RNGTT: variants seen among roughly 807,000 people sequenced by gnomAD.
RNGTT encodes mRNA-capping enzyme.
RNGTT carries 33 observed loss-of-function variants against 79.3 expected under a neutral mutation model. The ratio of observed to expected loss-of-function variants is 0.42; its 90% CI spans 0.32 to 0.56. The LOEUF is 0.56. Ranked by LOEUF, RNGTT falls within the 20% of genes least tolerant of loss-of-function variation. The pLI, the probability that RNGTT is intolerant of heterozygous loss-of-function variation, is 0.17. For missense variants in RNGTT, 497 were observed against 739.1 expected (o/e 0.67, Z 3.80); for synonymous variants, 222 against 235.9 (o/e 0.94, Z 0.54).
chr6:88,908,297 A>C (rs1372878846), intron 4 of RNGTT, among the ~76,000 whole-genome samples: 1 of 152,178 alleles, frequency 6.6e-6, no homozygotes, highest in Non-Finnish European at 1.5e-5. Context: ...GACATCATTA[A>C]GAATATAAAA....
rs73752983 is a variant in RNGTT, at chr6:88,631,297, C to T, written c.1507-16902G>A. ...CAGAGATCTCCTACAGGAAAACTGA[C>T]CTTAAACATATGAATGAGATAAATG... On this transcript the variant is annotated intron_variant, in intron 14 of 15. Transcript: ENST00000369485. Among the ~76,000 whole-genome samples the T allele has an allele frequency of 2.7e-3, 414 of 152,302 alleles. 3 individuals are homozygous for T. Among genetic ancestry groups the T allele is most frequent in the African/African-American group, 9.7e-3 (402 of 41,570 alleles).
intron 14 of RNGTT, among the ~76,000 whole-genome samples, chr6:88,647,715 A>AAAAAAAAGAAG (rs531898293): frequency 2.1e-5 from 3 of 142,484 alleles, no homozygotes; most frequent in African/African-American, 9.1e-5. Flanking sequence ...AAAAAAAAAA[A>AAAAAAAAGAAG]AAGAAGAAGA....
chr6:88,846,564 A>G (rs1477773084), intron 10 of RNGTT, among the ~76,000 whole-genome samples: 1 of 152,134 alleles, frequency 6.6e-6, no homozygotes, highest in Non-Finnish European at 1.5e-5. Context: ...CGTAGCCATC[A>G]TGGCAAAACC....
intron 15 of RNGTT, 90 bp from the exon 16 acceptor site, chr6:88,612,972 T>C (rs771734332): frequency 1.5e-5 from 17 of 1,157,348 alleles, no homozygotes; most frequent in South Asian, 1.1e-4. Flanking sequence ...CATCCCAATA[T>C]ACTAAATACT....
chr6:88,729,085 T>A (rs1471595433), intron 13 of RNGTT, among the ~76,000 whole-genome samples: 2 of 152,192 alleles, frequency 1.3e-5, no homozygotes, highest in Non-Finnish European at 2.9e-5. Context: ...CTCTGCTATA[T>A]GTCAAAGTCC....
intron 14 of RNGTT, among the ~76,000 whole-genome samples, chr6:88,623,761 G>C (rs12199177): frequency 6.6e-6 from 1 of 151,940 alleles, no homozygotes; most frequent in Non-Finnish European, 1.5e-5. Context: ...AAGACCTACC[G>C]GTTGAAAAGG....
At chr6:88,667,748 TCA>T (rs1416072681) in intron 14 of RNGTT, among the ~76,000 whole-genome samples, 2 of 152,130 alleles carry the variant, frequency 1.3e-5, no homozygotes, top group Non-Finnish European at 2.9e-5. Flanking sequence ...GTATTGGGGA[TCA>T]CATGGAAACT....
intron 12 of RNGTT, among the ~76,000 whole-genome samples, chr6:88,793,633 G>A (rs908939325): frequency 6.6e-6 from 1 of 152,170 alleles, no homozygotes; most frequent in Non-Finnish European, 1.5e-5. Flanking sequence ...GGGAGGCCGA[G>A]GTGGGCAAAT....
chr6:88,676,852 AAATGT>A (rs1236759660), intron 14 of RNGTT, among the ~76,000 whole-genome samples: 1 of 152,262 alleles, frequency 6.6e-6, no homozygotes, highest in Admixed American at 6.5e-5. Flanking sequence ...GTCATTACGG[AAATGT>A]AATACAACTA....
At chr6:88,782,471 C>G (rs1182358920) in intron 12 of RNGTT, among the ~76,000 whole-genome samples, 1 of 151,894 alleles carries the variant, frequency 6.6e-6, no homozygotes, top group East Asian at 1.9e-4. Context: ...CAAAGAAAAA[C>G]TTCTTGACAC....
chr6:88,887,416 A>G (rs185339484), intron 8 of RNGTT, among the ~76,000 whole-genome samples: 213 of 152,250 alleles, frequency 1.4e-3, no homozygotes, highest in Middle Eastern at 6.8e-3. Flanking sequence ...TCCCTCTTCC[A>G]TGCTACTGTA....
intron 13 of RNGTT, among the ~76,000 whole-genome samples, chr6:88,696,581 GATGAACAGA>G (rs1267438291): frequency 2.0e-5 from 3 of 147,836 alleles, no homozygotes; most frequent in Non-Finnish European, 4.5e-5. Context: ...TTGACTGCAG[GATGAACAGA>G]AATCCTGAAG....
chr6:88,665,634 C>T (rs1229623142), intron 14 of RNGTT, among the ~76,000 whole-genome samples: 1 of 152,222 alleles, frequency 6.6e-6, no homozygotes, highest in African/African-American at 2.4e-5. Flanking sequence ...GAGCCAGAAA[C>T]TGTTTGCCTT....
chr6:88,805,620 T>G (rs530882459), intron 11 of RNGTT, among the ~76,000 whole-genome samples: 2 of 152,266 alleles, frequency 1.3e-5, no homozygotes, highest in East Asian at 3.9e-4. Context: ...AAAACTTCAC[T>G]GGCAAGAGGG....
intron 14 of RNGTT, among the ~76,000 whole-genome samples, chr6:88,659,013 TGA>T (rs1323022415): frequency 1.3e-5 from 2 of 152,238 alleles, no homozygotes; most frequent in Admixed American, 6.5e-5. Flanking sequence ...TGTGATCGTG[TGA>T]GTCAATTCTC....
chr6:88,878,214 G>A (rs1375987718), intron 8 of RNGTT, among the ~76,000 whole-genome samples: 1 of 151,918 alleles, frequency 6.6e-6, no homozygotes, highest in Non-Finnish European at 1.5e-5. Context: ...TCGTGTCTCA[G>A]CCTCCCAGGT....
At chr6:88,855,353 G>T (rs1781809198) in intron 8 of RNGTT, among the ~76,000 whole-genome samples, 2 of 152,172 alleles carry the variant, frequency 1.3e-5, no homozygotes, top group Non-Finnish European at 2.9e-5. Context: ...TTTAGGATAG[G>T]TGAGGAGAAA....
chr6:88,927,744 G>A (rs1784367977), intron 4 of RNGTT, among the ~76,000 whole-genome samples: 1 of 150,972 alleles, frequency 6.6e-6, no homozygotes, highest in African/African-American at 2.4e-5. Flanking sequence ...TGAGGTGGGA[G>A]AATCGCTTGA....
chr6:88,633,034 T>C (rs149653575), intron 14 of RNGTT, among the ~76,000 whole-genome samples: 3 of 152,258 alleles, frequency 2.0e-5, no homozygotes, highest in East Asian at 1.9e-4. Context: ...CAAAGCATAG[T>C]TGATGCTTGG....
Sources: gnomAD v4.1 joint callset for allele counts (sites outside exome capture counted in the v4.1 genomes callset) on GRCh38, gnomAD v4.1.1 for gene constraint, MANE v1.5 for transcripts, NCBI Gene and HGNC (gene_info 2026-07-23, HGNC 2026-07-21) for gene names.